Variants in L3MBTL4 observed in about 807,000 individuals in gnomAD.
The protein encoded by L3MBTL4 is L3MBTL histone methyl-lysine binding protein 4, also known as lethal(3)malignant brain tumor-like protein 4.
A neutral mutation model predicts 84.5 loss-of-function variants in L3MBTL4; 70 were observed. The ratio of observed to expected loss-of-function variants is 0.83; its 90% CI spans 0.68 to 1.01. The LOEUF (loss-of-function observed/expected upper bound fraction) is 1.01, where lower values mean the gene tolerates loss of function less well. Among genes scored for constraint, L3MBTL4 ranks in the 50% least tolerant of loss-of-function variants. L3MBTL4 has a pLI of 0.00. For missense variants in L3MBTL4, 715 were observed against 754.8 expected, an observed-to-expected ratio of 0.95 and a Z score of 0.62; for synonymous variants, 274 against 259.8, an observed-to-expected ratio of 1.05 and a Z score of -0.52.
chr18:6,006,012 TA>T (rs35437965), intron 16 of L3MBTL4, among the ~76,000 whole-genome samples: 3,430 of 148,916 alleles, frequency 0.023, 57 homozygotes, highest in Admixed American at 0.051. Flanking sequence ...TACCATAATT[TA>T]AAAAAAAAAA....
chr18:6,078,900 C>T (rs1431224166), intron 16 of L3MBTL4, among the ~76,000 whole-genome samples: 5 of 152,146 alleles, frequency 3.3e-5, no homozygotes, highest in Non-Finnish European at 5.9e-5. Context: ...GAGACAGTGA[C>T]AGATCGTCAG....
In L3MBTL4 at chr18:6,074,651, T is replaced by C. The variant is rs2057797779; in HGVS notation, c.1444+6230A>G. Among the ~76,000 whole-genome samples, 6 of 152,198 alleles carry C rather than the reference T, an allele frequency of 3.9e-5. 1 individual carries two copies. In the South Asian group the frequency reaches 1.2e-3, roughly 32 times the overall value. The stretch of plus-strand genomic sequence containing the variant: ...CTATGTTGTTGGGGGACTGGTGTTA[T>C]TTAACTAAATGGTGGTAACTGAAAT... On this transcript the variant is annotated intron_variant, in intron 16 of 18. Transcript: ENST00000317931.
chr18:5,958,109 G>GAAC (rs2095241061), intron 18 of L3MBTL4, among the ~76,000 whole-genome samples: 1 of 92,850 alleles, frequency 1.1e-5, no homozygotes, highest in Non-Finnish European at 2.0e-5. Context: ...AGAAGAAGAA[G>GAAC]AAGAAGAAGA....
At chr18:6,186,720 C>T (rs1033646387) in intron 12 of L3MBTL4, among the ~76,000 whole-genome samples, 11 of 152,166 alleles carry the variant, frequency 7.2e-5, no homozygotes, top group South Asian at 2.1e-4. Flanking sequence ...ACCTTCCTTC[C>T]GGTTGGTGGA....
chr18:6,220,390 C>T (rs1371763432), intron 10 of L3MBTL4, among the ~76,000 whole-genome samples: 2 of 152,126 alleles, frequency 1.3e-5, no homozygotes, highest in African/African-American at 4.8e-5. Flanking sequence ...TCTTCAAGTT[C>T]TTGTACTTGT....
chr18:6,115,616 C>T (rs1040190152), intron 14 of L3MBTL4, among the ~76,000 whole-genome samples: 3 of 152,152 alleles, frequency 2.0e-5, no homozygotes, highest in African/African-American at 7.2e-5. Context: ...GAGCCTGTGC[C>T]AGAGGTGTCT....
At chr18:6,180,888 C>T (rs145744353) in intron 12 of L3MBTL4, among the ~76,000 whole-genome samples, 24 of 152,226 alleles carry the variant, frequency 1.6e-4, no homozygotes, top group African/African-American at 5.5e-4. Flanking sequence ...TCCAAGTGTC[C>T]GTCAACTGAT....
chr18:5,963,976 G>C lies in L3MBTL4; in HGVS notation c.1615-3820C>G, dbSNP rs531230181. Among the ~76,000 whole-genome samples the C allele has an allele frequency of 7.0e-4, 107 of 152,342 alleles. 1 individual carries two copies. The highest frequency in any genetic ancestry group is 2.5e-3 in the African/African-American group (102 of 41,582). On this transcript the variant is annotated intron_variant, in intron 17 of 18. Coordinates refer to ENST00000317931, the MANE Select transcript of L3MBTL4 (RefSeq NM_001330559.2). Reference sequence around the variant, plus strand: ...TGGGGTCATCTCCTTTTTCAAAGGGGGTGATCATGCTGTTGGAGCCCAGTG... The same window carrying C: ...TGGGGTCATCTCCTTTTTCAAAGGGCGTGATCATGCTGTTGGAGCCCAGTG...
chr18:6,061,717 T>A (rs1381885657), intron 16 of L3MBTL4, among the ~76,000 whole-genome samples: 2 of 152,040 alleles, frequency 1.3e-5, no homozygotes, highest in Non-Finnish European at 2.9e-5. Context: ...CTCCCTTCTC[T>A]GATTTTAATT....
chr18:6,306,616 C>T (rs1282577154), intron 3 of L3MBTL4, among the ~76,000 whole-genome samples: 1 of 152,180 alleles, frequency 6.6e-6, no homozygotes, highest in Non-Finnish European at 1.5e-5. Flanking sequence ...TTGAGTTCAA[C>T]CATGGCCTTT....
intron 15 of L3MBTL4, among the ~76,000 whole-genome samples, chr18:6,083,154 A>G (rs2058137035): frequency 6.6e-6 from 1 of 152,192 alleles, no homozygotes; most frequent in African/African-American, 2.4e-5. Context: ...TGCTTTACAC[A>G]TCACCTTCCA....
chr18:6,274,784 T>C (rs1334713028), intron 4 of L3MBTL4, among the ~76,000 whole-genome samples: 1 of 152,192 alleles, frequency 6.6e-6, no homozygotes, highest in Non-Finnish European at 1.5e-5. Flanking sequence ...CACGCAGGCA[T>C]GATATGACGA....
At chr18:6,116,364 T>G (rs895251716) in intron 14 of L3MBTL4, among the ~76,000 whole-genome samples, 1 of 149,708 alleles carries the variant, frequency 6.7e-6, no homozygotes, top group Non-Finnish European at 1.5e-5. Context: ...TGCTGGTTTT[T>G]TTTTTTTTTT....
At chr18:6,366,554 T>C (rs1048206164) in intron 1 of L3MBTL4, among the ~76,000 whole-genome samples, 1 of 152,244 alleles carries the variant, frequency 6.6e-6, no homozygotes, top group African/African-American at 2.4e-5. Context: ...ATATAGGGAC[T>C]AGAGATCTGT....
At chr18:6,265,520 A>G (rs906718563) in intron 4 of L3MBTL4, among the ~76,000 whole-genome samples, 1 of 152,228 alleles carries the variant, frequency 6.6e-6, no homozygotes, top group Non-Finnish European at 1.5e-5. Flanking sequence ...TTGTATATAC[A>G]TACATATATG....
chr18:6,286,272 CTG>C (rs2049583612), intron 4 of L3MBTL4, among the ~76,000 whole-genome samples: 1 of 151,788 alleles, frequency 6.6e-6, no homozygotes, highest in African/African-American at 2.4e-5. Flanking sequence ...GAGATCAGCA[CTG>C]CCAATATGGT....
chr18:5,994,608 A>G (rs2053862482), intron 16 of L3MBTL4, among the ~76,000 whole-genome samples: 1 of 152,184 alleles, frequency 6.6e-6, no homozygotes, highest in South Asian at 2.1e-4. Flanking sequence ...TGGTGGGCTC[A>G]GTCTCCACTA....
chr18:6,153,834 C>G (rs2042990974), intron 13 of L3MBTL4, among the ~76,000 whole-genome samples: 1 of 152,108 alleles, frequency 6.6e-6, no homozygotes. Flanking sequence ...TGCCTGCTTC[C>G]CCTTCTGCCA....
chr18:6,362,207 A>T (rs1599778712), intron 1 of L3MBTL4, among the ~76,000 whole-genome samples: 1 of 81,484 alleles, frequency 1.2e-5, no homozygotes. Context: ...GAGGGAGGGA[A>T]GGAGGGAGGG....
Sources: gnomAD v4.1 joint callset for allele counts (sites outside exome capture counted in the v4.1 genomes callset) on GRCh38, gnomAD v4.1.1 for gene constraint, MANE v1.5 for transcripts, NCBI Gene and HGNC (gene_info 2026-07-23, HGNC 2026-07-21) for gene names.